JAKMIP2: variants seen among roughly 807,000 people sequenced by gnomAD.
JAKMIP2 encodes janus kinase and microtubule interacting protein 2.
Under a neutral mutation model 115.0 loss-of-function variants are expected in JAKMIP2, and 25 were observed. That is an observed-to-expected ratio of 0.22 (90% CI 0.16 to 0.30). The LOEUF is 0.30. Ranked by LOEUF, JAKMIP2 falls within the 10% of genes least tolerant of loss-of-function variation. JAKMIP2 has a pLI of 1.00. For missense variants in JAKMIP2, 642 were observed against 957.6 expected (o/e 0.67, Z 4.35); for synonymous variants, 334 against 343.6 (o/e 0.97, Z 0.31).
intron 1 of JAKMIP2, among the ~76,000 whole-genome samples, chr5:147,746,280 C>T (rs1754343331): frequency 6.6e-6 from 1 of 152,058 alleles, no homozygotes; most frequent in Non-Finnish European, 1.5e-5. Flanking sequence ...TTCAGACATG[C>T]CAAGTAGAGG....
chr5:147,632,852 T>G (rs1757429833), intron 12 of JAKMIP2, 74 bp from the exon 13 acceptor site: 4 of 840,908 alleles, frequency 4.8e-6, no homozygotes, highest in Non-Finnish European at 7.9e-6. Context: ...TGAATAGTGT[T>G]CAGTTTACTC....
chr5:147,751,189 A>C (rs1754539294), intron 1 of JAKMIP2, among the ~76,000 whole-genome samples: 1 of 150,926 alleles, frequency 6.6e-6, no homozygotes, highest in Non-Finnish European at 1.5e-5. Flanking sequence ...CTCCTACCTC[A>C]GCCTCCCAAG....
At chr5:147,695,054 C>T (rs1003769051) in intron 1 of JAKMIP2, among the ~76,000 whole-genome samples, 1 of 152,064 alleles carries the variant, frequency 6.6e-6, no homozygotes, top group Non-Finnish European at 1.5e-5. Context: ...GGATTTTCTC[C>T]CTTCATTCTC....
intron 1 of JAKMIP2, among the ~76,000 whole-genome samples, chr5:147,742,156 T>TATATATATATATATATATATA (rs1554084271): frequency 4.6e-4 from 39 of 83,962 alleles, no homozygotes; most frequent in Middle Eastern, 6.9e-3. Flanking sequence ...TATATATATA[T>TATATATATATATATATATATA]TTTTTTTACT....
chr5:147,761,831 TATC>T (rs1383929660), intron 1 of JAKMIP2, among the ~76,000 whole-genome samples: 1 of 152,062 alleles, frequency 6.6e-6, no homozygotes, highest in African/African-American at 2.4e-5. Context: ...ATAGTTAAAT[TATC>T]ATAATAATAA....
At chr5:147,660,456 T>C (rs1036206995) in intron 3 of JAKMIP2, 1 of 454,820 alleles carries the variant, frequency 2.2e-6, no homozygotes, top group African/African-American at 2.0e-5. Context: ...TTTTCAGTCA[T>C]GGTTTCTGGA....
chr5:147,647,904 C>T (rs2126738036), intron 5 of JAKMIP2, among the ~76,000 whole-genome samples: 1 of 152,088 alleles, frequency 6.6e-6, no homozygotes, highest in South Asian at 2.1e-4. Flanking sequence ...ACATAAATGT[C>T]CATTAACAAT....
intron 18 of JAKMIP2, among the ~76,000 whole-genome samples, 159 bp from the exon 19 acceptor site, chr5:147,618,273 T>A (rs1003385992): frequency 2.0e-5 from 3 of 152,254 alleles, no homozygotes; most frequent in Non-Finnish European, 4.4e-5. Context: ...TAATTACACT[T>A]CTGAAAATCT....
intron 1 of JAKMIP2, among the ~76,000 whole-genome samples, chr5:147,719,966 T>C (rs903122919): frequency 5.3e-5 from 8 of 152,178 alleles, no homozygotes; most frequent in Admixed American, 5.2e-4. Context: ...CATTTTGGCA[T>C]GATTTTGCAG....
At chr5:147,761,227 T>C (rs1217106112) in intron 1 of JAKMIP2, among the ~76,000 whole-genome samples, 1 of 152,282 alleles carries the variant, frequency 6.6e-6, no homozygotes, top group East Asian at 1.9e-4. Context: ...TTTGACAATG[T>C]AGTTCTTCTG....
chr5:147,685,935 G>A (rs920415309), intron 1 of JAKMIP2, among the ~76,000 whole-genome samples: 2 of 152,086 alleles, frequency 1.3e-5, no homozygotes, highest in African/African-American at 2.4e-5. Flanking sequence ...GCAGGGTGGC[G>A]GATATGGTGG....
At chr5:147,701,587 G>A (rs1280813382) in intron 1 of JAKMIP2, among the ~76,000 whole-genome samples, 1 of 152,128 alleles carries the variant, frequency 6.6e-6, no homozygotes, top group African/African-American at 2.4e-5. Context: ...TAACATAGAT[G>A]GCATACATTT....
At chr5:147,705,821 C>A (rs1199633699) in intron 1 of JAKMIP2, among the ~76,000 whole-genome samples, 5 of 152,138 alleles carry the variant, frequency 3.3e-5, no homozygotes, top group Non-Finnish European at 7.4e-5. Context: ...AACTATAGTT[C>A]TATTTTTTAT....
At position 147,608,097 on chromosome 5, in the gene JAKMIP2, T is replaced by C. The variant is rs1242279833; in HGVS notation, c.2412+4209A>G. On this transcript the variant is annotated intron_variant, in intron 20 of 21. Transcript: ENST00000616793. ...TTATTAGTCTGGCTAGCGGTCTATGTATTTTGTTGATTTTTTCAAAAAACC... is the reference window on the plus strand; with the variant it reads ...TTATTAGTCTGGCTAGCGGTCTATGCATTTTGTTGATTTTTTCAAAAAACC... 2.6e-5 allele frequency among the ~76,000 whole-genome samples: 4 copies of C among 152,106 alleles called. No individual in the cohort carries two copies. In the East Asian group the frequency reaches 7.7e-4, roughly 29 times the overall value.
chr5:147,689,324 C>G (rs1760725507), intron 1 of JAKMIP2, among the ~76,000 whole-genome samples: 1 of 152,112 alleles, frequency 6.6e-6, no homozygotes, highest in South Asian at 2.1e-4. Context: ...GGTAGGAAGC[C>G]ACAGGAGGAG....
Position 147,726,814 on chromosome 5 carries a change from G to A in JAKMIP2, c.-148-54860C>T, listed in dbSNP as rs116316668. Among the ~76,000 whole-genome samples, 1,347 of 152,134 alleles carry A rather than the reference G, an allele frequency of 8.9e-3. 15 individuals carry two copies. Among genetic ancestry groups the A allele is most frequent in the African/African-American group, 0.031 (1,281 of 41,398 alleles). The stretch of plus-strand genomic sequence containing the variant: ...AGCTTGAGCTTGTGACCATATGGCA[G>A]TACTTTCTTTTAGTCTCTGCTTATC... On this transcript the variant is annotated intron_variant, in intron 1 of 21. Transcript: ENST00000616793.
chr5:147,661,080 C>A lies in JAKMIP2; in HGVS notation c.495G>T (p.Gln165His). Reference protein sequence around the residue: ...EIADLKTAKKQVDEALSNMIQ... With the variant: ...EIADLKTAKKHVDEALSNMIQ... ...TCATATTGCTCAGAGCCTCGTCCAC[C>A]TGCTTCTTGGCCGTTTTCAGGTCCG... The change falls in exon 3 of 22, where the codon CAG (glutamine) becomes CAT (histidine). Residue 165 changes from glutamine to histidine, a missense_variant. Transcript: ENST00000616793. The A allele has an allele frequency of 6.2e-7, 1 of 1,614,078 alleles. No homozygotes were observed. The highest frequency in any genetic ancestry group is 8.5e-7 in the Non-Finnish European group (1 of 1,180,032).
At chr5:147,601,594 C>T (rs947936857) in intron 21 of JAKMIP2, 147 bp downstream of exon 21, 23 of 489,194 alleles carry the variant, frequency 4.7e-5, no homozygotes, top group African/African-American at 4.5e-4. Flanking sequence ...CAGAACAAGA[C>T]TCTGTCTCAA....
At chr5:147,655,989 T>C (rs1232409313) in intron 3 of JAKMIP2, among the ~76,000 whole-genome samples, 3 of 152,216 alleles carry the variant, frequency 2.0e-5, no homozygotes, top group Non-Finnish European at 2.9e-5. Flanking sequence ...TTGATTTCCA[T>C]GTAGTTGTGT....
Sources: allele counts gnomAD v4.1 joint callset (sites outside exome capture counted in the v4.1 genomes callset), GRCh38; gene constraint gnomAD v4.1.1; transcripts MANE v1.5; gene names NCBI Gene and HGNC (gene_info 2026-07-23, HGNC 2026-07-21).